Variants in ANK2 observed in about 807,000 individuals in gnomAD.
ANK2 encodes ankyrin 2.
ANK2 carries 83 observed loss-of-function variants against 360.5 expected under a neutral mutation model. The ratio of observed to expected loss-of-function variants is 0.23; its 90% CI spans 0.19 to 0.28. The LOEUF is 0.28. Among genes scored for constraint, ANK2 ranks in the 10% least tolerant of loss-of-function variants. The pLI is 1.00. For synonymous variants in ANK2, 1,740 were observed against 1,759.5 expected (o/e 0.99, Z 0.28); for missense variants, 4,201 against 4,795.7 (o/e 0.88, Z 3.66).
chr4:112,852,090 C>T (rs1239275659), intron 1 of ANK2, among the ~76,000 whole-genome samples: 1 of 152,200 alleles, frequency 6.6e-6, no homozygotes, highest in South Asian at 2.1e-4. Context: ...TCTGTTGTAT[C>T]TTAGACTAGA....
At chr4:113,028,853 A>G (rs574327298) in intron 2 of ANK2, among the ~76,000 whole-genome samples, 52 of 152,292 alleles carry the variant, frequency 3.4e-4, no homozygotes, top group African/African-American at 1.2e-3. Flanking sequence ...AAGATACCCC[A>G]AAGACCATCT....
intron 26 of ANK2, among the ~76,000 whole-genome samples, chr4:113,329,577 G>A (rs1264473491): frequency 1.3e-5 from 2 of 152,194 alleles, no homozygotes; most frequent in Non-Finnish European, 2.9e-5. Context: ...ATGGTGTATG[G>A]GCGGGCCTAC....
intron 2 of ANK2, among the ~76,000 whole-genome samples, chr4:112,974,764 C>A (rs1304104957): frequency 1.3e-5 from 2 of 151,814 alleles, no homozygotes; most frequent in African/African-American, 4.8e-5. Context: ...AGAGAACTTG[C>A]ATTCTTCATA....
upstream of ANK2, among the ~76,000 whole-genome samples, chr4:113,046,385 G>C (rs910925274): frequency 6.6e-6 from 1 of 152,084 alleles, no homozygotes; most frequent in Non-Finnish European, 1.5e-5. Context: ...GCTATGGCTT[G>C]AATATTTGTG....
intron 1 of ANK2, among the ~76,000 whole-genome samples, chr4:113,173,366 A>G (rs1245174233): frequency 6.6e-6 from 1 of 152,102 alleles, no homozygotes; most frequent in Non-Finnish European, 1.5e-5. Context: ...TGAGGGAGGG[A>G]GGCAGTGTAG....
intron 1 of ANK2, chr4:113,174,194 C>T (rs2153224854): frequency 2.4e-6 from 1 of 418,830 alleles, no homozygotes; most frequent in South Asian, 2.2e-5. Flanking sequence ...TTCTTTTATA[C>T]TCTAAAATAT....
intron 1 of ANK2, among the ~76,000 whole-genome samples, chr4:113,173,792 G>A (rs1401985771): frequency 1.3e-5 from 2 of 152,142 alleles, no homozygotes; most frequent in African/African-American, 4.8e-5. Flanking sequence ...ATTTAATCAT[G>A]TTTATCCAGA....
chr4:112,878,652 T>C (rs2075850102), intron 1 of ANK2, among the ~76,000 whole-genome samples: 1 of 151,624 alleles, frequency 6.6e-6, no homozygotes, highest in African/African-American at 2.4e-5. Context: ...TTTTGTTTTT[T>C]AGACGGAGTC....
intron 9 of ANK2, 94 bp from the exon 10 acceptor site, chr4:113,249,670 T>C (rs2045049674): frequency 6.2e-6 from 7 of 1,135,282 alleles, no homozygotes; most frequent in Non-Finnish European, 7.9e-6. Context: ...GTAATCAGGA[T>C]TGAGTTTAGG....
At chr4:113,115,414 T>C (rs2094664128) in intron 1 of ANK2, among the ~76,000 whole-genome samples, 1 of 152,106 alleles carries the variant, frequency 6.6e-6, no homozygotes, top group South Asian at 2.1e-4. Context: ...ACTGCTCCCT[T>C]CTCTCCCTTC....
intron 1 of ANK2, among the ~76,000 whole-genome samples, chr4:112,859,807 A>G (rs904499592): frequency 6.6e-6 from 1 of 152,196 alleles, no homozygotes; most frequent in Admixed American, 6.5e-5. Flanking sequence ...TAGCACATAG[A>G]GATTTGTTTC....
chr4:113,302,682 T>C, intron 22 of ANK2, 85 bp from the exon 23 acceptor site: 2 of 1,041,426 alleles, frequency 1.9e-6, no homozygotes, highest in South Asian at 2.6e-5. Context: ...GCTGCTGCTG[T>C]TGAGTGTGGC....
chr4:113,339,136 G>T (rs2093953304), intron 31 of ANK2, 90 bp from the exon 32 acceptor site: 6 of 1,080,900 alleles, frequency 5.6e-6, no homozygotes, highest in Middle Eastern at 4.1e-4. Context: ...GGTGGGATTT[G>T]GCTTGTGAAC....
chr4:112,719,456 C>T, the ANK2 span, among the ~76,000 whole-genome samples: 1 of 152,054 alleles, frequency 6.6e-6, no homozygotes, highest in Non-Finnish European at 1.5e-5. Context: ...CGGCCGGGCA[C>T]GGTGGCTCAA....
chr4:113,011,408 T>G (rs776552758), intron 2 of ANK2, among the ~76,000 whole-genome samples: 88 of 152,168 alleles, frequency 5.8e-4, no homozygotes, highest in Non-Finnish European at 1.1e-3. Flanking sequence ...GCATACAAAT[T>G]TATTTAATGT....
At position 113,281,309 on chromosome 4, in the gene ANK2, G is replaced by A. The variant is rs570867322; in HGVS notation, c.1882-1366G>A. ...TCCCAGCACTTTAGGGGGCCAAGGTGGGCAGATCGCTTGAGCTCATGAGTT... is the reference window on the plus strand; with the variant it reads ...TCCCAGCACTTTAGGGGGCCAAGGTAGGCAGATCGCTTGAGCTCATGAGTT... On this transcript the variant is annotated intron_variant, in intron 17 of 45. Transcript: ENST00000357077. Among the ~76,000 whole-genome samples the A allele has an allele frequency of 5.9e-5, 9 of 152,232 alleles. No individual in the cohort carries two copies. The South Asian group carries it at 1.2e-3, about 21-fold the overall frequency.
At chr4:112,788,970 C>T in the ANK2 span, 1 of 559,584 alleles carries the variant, frequency 1.8e-6, no homozygotes, top group Non-Finnish European at 3.1e-6. Context: ...GGGCAGGAAC[C>T]ATATTTTATG....
At chr4:113,321,191 A>G (rs543043886) in intron 26 of ANK2, among the ~76,000 whole-genome samples, 1 of 152,326 alleles carries the variant, frequency 6.6e-6, no homozygotes, top group East Asian at 1.9e-4. Context: ...TATTGATCCC[A>G]TAGGGGAGCT....
rs1291375940 is a variant in ANK2 at position 113,353,778 on chromosome 4, A to G, written c.5160A>G (p.Gln1720=). 15 of 1,614,030 alleles carry G rather than the reference A, an allele frequency of 9.3e-6. No individual in the cohort carries two copies. Among genetic ancestry groups the G allele is most frequent in the Non-Finnish European group, 1.3e-5 (15 of 1,180,002 alleles). ...AGAAACAAAAAGAGGAAGGTTTACAAGCTAGTGCAGAGAAAGCTGAACTTA... is the reference window on the plus strand; with the variant it reads ...AGAAACAAAAAGAGGAAGGTTTACAGGCTAGTGCAGAGAAAGCTGAACTTA... The part of the protein sequence containing the change: ...EKQKQKEEGL[Q]ASAEKAELKK... Residue 1720 remains glutamine, a synonymous_variant, in exon 38 of 46, where the codon CAA becomes CAG. Transcript: ENST00000357077.
Sources: gnomAD v4.1 joint callset for allele counts (sites outside exome capture counted in the v4.1 genomes callset) on GRCh38, gnomAD v4.1.1 for gene constraint, MANE v1.5 for transcripts, NCBI Gene and HGNC (gene_info 2026-07-23, HGNC 2026-07-21) for gene names.